Variants in GRIN3A observed in about 807,000 individuals in gnomAD.
GRIN3A encodes the protein glutamate ionotropic receptor NMDA type subunit 3A, also known as glutamate receptor ionotropic, NMDA 3A.
GRIN3A carries 47 observed loss-of-function variants against 92.4 expected under a neutral mutation model. The observed-to-expected ratio is 0.51, with a 90% CI of 0.40 to 0.65. The LOEUF is 0.65. GRIN3A is among the 30% of genes least tolerant of loss of function. The pLI, the probability that GRIN3A is intolerant of heterozygous loss-of-function variation, is 0.00. For synonymous variants in GRIN3A, 527 were observed against 540.6 expected, an observed-to-expected ratio of 0.97 and a Z score of 0.35; for missense variants, 1,324 against 1,393.1, an observed-to-expected ratio of 0.95 and a Z score of 0.79.
At chr9:101,664,751 G>T (rs75120782) in intron 3 of GRIN3A, among the ~76,000 whole-genome samples, 2 of 151,802 alleles carry the variant, frequency 1.3e-5, no homozygotes, top group African/African-American at 4.8e-5. Flanking sequence ...ATGAATTTCC[G>T]CCCTAAAATG....
intron 6 of GRIN3A, among the ~76,000 whole-genome samples, chr9:101,581,712 T>C (rs1056082622): frequency 3.3e-5 from 5 of 152,092 alleles, no homozygotes; most frequent in Non-Finnish European, 7.4e-5. Context: ...CTCGGGTATT[T>C]TGTTATAATG....
intron 6 of GRIN3A, among the ~76,000 whole-genome samples, chr9:101,602,300 G>A (rs1828221435): frequency 1.3e-5 from 2 of 152,160 alleles, no homozygotes; most frequent in East Asian, 3.9e-4. Flanking sequence ...GAAAAAAGAT[G>A]GCTTTTGCAG....
intron 5 of GRIN3A, among the ~76,000 whole-genome samples, chr9:101,615,721 C>T (rs10121600): frequency 0.39 from 59,164 of 151,974 alleles, 12,164 homozygotes; most frequent in African/African-American, 0.52. Context: ...GGGATTCATG[C>T]AGAATAGTGC....
chr9:101,644,336 T>C (rs1414929158), intron 3 of GRIN3A, among the ~76,000 whole-genome samples: 4 of 151,836 alleles, frequency 2.6e-5, no homozygotes, highest in Non-Finnish European at 5.9e-5. Context: ...ATTAAAAATC[T>C]TTGGTTTACA....
chr9:101,736,563 C>CT (rs1474327528), intron 1 of GRIN3A, among the ~76,000 whole-genome samples: 2 of 152,168 alleles, frequency 1.3e-5, no homozygotes, highest in East Asian at 3.9e-4. Flanking sequence ...ATACCAGCCT[C>CT]TGAGTCCACA....
intron 1 of GRIN3A, among the ~76,000 whole-genome samples, chr9:101,705,017 A>AG (rs577092516): frequency 8.6e-5 from 13 of 151,974 alleles, no homozygotes; most frequent in East Asian, 3.9e-4. Flanking sequence ...TTGATAAGGA[A>AG]GGGGGGGCAG....
chr9:101,630,225 T>A (rs1751337699), intron 3 of GRIN3A, among the ~76,000 whole-genome samples: 1 of 152,140 alleles, frequency 6.6e-6, no homozygotes, highest in Non-Finnish European at 1.5e-5. Flanking sequence ...TGATATAGTA[T>A]CTTGTACATA....
intron 6 of GRIN3A, among the ~76,000 whole-genome samples, chr9:101,586,090 T>C (rs1334578665): frequency 6.6e-6 from 1 of 152,200 alleles, no homozygotes; most frequent in Non-Finnish European, 1.5e-5. Flanking sequence ...TCACTTTCTT[T>C]AGGTTTCTTC....
At position 101,613,036 on chromosome 9, in the gene GRIN3A, C is replaced by G. The variant is rs147320959; in HGVS notation, c.2766+340G>C. 1.4e-3 allele frequency among the ~76,000 whole-genome samples: 217 copies of G among 152,306 alleles called. 5 individuals carry two copies. In the South Asian group the frequency reaches 0.028, roughly 20 times the overall value. ...AGTACACATCATGTCCATCAATTAA[C>G]GATTAAATCAAACACTGTTCATGTC... On this transcript the variant is annotated intron_variant, in intron 6 of 8. Coordinates refer to ENST00000361820, the MANE Select transcript of GRIN3A (RefSeq NM_133445.3).
chr9:101,649,154 C>A (rs1323427), intron 3 of GRIN3A, among the ~76,000 whole-genome samples: 2 of 151,838 alleles, frequency 1.3e-5, no homozygotes, highest in Admixed American at 1.3e-4. Context: ...TTTCACAGTC[C>A]GGTAAAGACT....
chr9:101,668,520 AG>A (rs1456258774), intron 3 of GRIN3A, among the ~76,000 whole-genome samples: 1 of 152,124 alleles, frequency 6.6e-6, no homozygotes, highest in African/African-American at 2.4e-5. Flanking sequence ...GAATAAACAA[AG>A]GCTGCTGATG....
intron 7 of GRIN3A, among the ~76,000 whole-genome samples, 175 bp downstream of exon 7, chr9:101,579,021 G>C (rs577311437): frequency 6.6e-6 from 1 of 152,270 alleles, no homozygotes; most frequent in East Asian, 1.9e-4. Context: ...CTTAATTTAA[G>C]GGAAAAGTGA....
At chr9:101,595,562 A>G (rs917013911) in intron 6 of GRIN3A, among the ~76,000 whole-genome samples, 14 of 152,098 alleles carry the variant, frequency 9.2e-5, no homozygotes, top group African/African-American at 3.4e-4. Context: ...CTGGGAGGGG[A>G]AGCCGGGATT....
At chr9:101,585,749 A>AT (rs1827943305) in intron 6 of GRIN3A, among the ~76,000 whole-genome samples, 2 of 152,128 alleles carry the variant, frequency 1.3e-5, no homozygotes, top group Non-Finnish European at 2.9e-5. Flanking sequence ...CCTCACCTAG[A>AT]TTATTGAGAC....
intron 3 of GRIN3A, among the ~76,000 whole-genome samples, chr9:101,639,092 G>A (rs573797066): frequency 6.6e-5 from 10 of 152,330 alleles, no homozygotes; most frequent in Admixed American, 3.3e-4. Context: ...TTAGAGACAT[G>A]AGATAACTTT....
At chr9:101,724,151 G>T (rs1004488735) in intron 1 of GRIN3A, among the ~76,000 whole-genome samples, 1 of 151,268 alleles carries the variant, frequency 6.6e-6, no homozygotes. Context: ...GGGACTGGGC[G>T]CCATGGAGCA....
At chr9:101,648,145 C>G (rs1222693348) in intron 3 of GRIN3A, among the ~76,000 whole-genome samples, 1 of 151,864 alleles carries the variant, frequency 6.6e-6, no homozygotes, top group Admixed American at 6.6e-5. Flanking sequence ...AATCCCATAG[C>G]TTTTGATGTG....
chr9:101,611,373 T>C (rs1828366005), intron 6 of GRIN3A, among the ~76,000 whole-genome samples: 1 of 152,132 alleles, frequency 6.6e-6, no homozygotes, highest in African/African-American at 2.4e-5. Context: ...CTTATAAGGA[T>C]ACCCATAATT....
chr9:101,701,174 G>A (rs1027235171), intron 1 of GRIN3A, among the ~76,000 whole-genome samples: 2 of 152,014 alleles, frequency 1.3e-5, no homozygotes, highest in Admixed American at 1.3e-4. Context: ...AAGTGAGGTG[G>A]GCCCAGAATT....
Sources: gnomAD v4.1 joint callset for allele counts (sites outside exome capture counted in the v4.1 genomes callset) on GRCh38, gnomAD v4.1.1 for gene constraint, MANE v1.5 for transcripts, NCBI Gene and HGNC (gene_info 2026-07-23, HGNC 2026-07-21) for gene names.